Variants in NDST3 observed in about 807,000 individuals in gnomAD.
NDST3 encodes the protein N-deacetylase and N-sulfotransferase 3.
In NDST3, 58 loss-of-function variants were observed where a neutral mutation model predicts 96.1. The ratio of observed to expected loss-of-function variants is 0.60; its 90% confidence interval spans 0.49 to 0.75. The LOEUF (loss-of-function observed/expected upper bound fraction) is 0.75, where lower values mean the gene tolerates loss of function less well. Among genes scored for constraint, NDST3 ranks in the 30% least tolerant of loss-of-function variants. NDST3 has a pLI of 0.00. For synonymous variants in NDST3, 333 were observed against 359.7 expected (o/e 0.93, Z 0.84); for missense variants, 788 against 1,034.2 (o/e 0.76, Z 3.27).
chr4:118,205,267 A>G (rs1392171314), intron 6 of NDST3, among the ~76,000 whole-genome samples: 5 of 144,564 alleles, frequency 3.5e-5, no homozygotes, highest in Middle Eastern at 3.6e-3. Flanking sequence ...AGAGAAATAC[A>G]CAAGAATATA....
chr4:118,121,583 C>A (rs1207126657), intron 4 of NDST3, among the ~76,000 whole-genome samples: 6 of 152,118 alleles, frequency 3.9e-5, no homozygotes, highest in African/African-American at 1.4e-4. Context: ...TAAAACCCAG[C>A]TTTAACTAAA....
chr4:118,043,674 G>GCAACAGGTCAGCTGCAACTGACAGCAAC (rs1173661794), intron 1 of NDST3, among the ~76,000 whole-genome samples: 5 of 152,200 alleles, frequency 3.3e-5, no homozygotes, highest in Non-Finnish European at 5.9e-5. Flanking sequence ...CACAGGAGGA[G>GCAACAGGTCAGCTGCAACTGACAGCAAC]TGACAGCAAC....
At chr4:118,064,393 G>A (rs144070592) in intron 2 of NDST3, among the ~76,000 whole-genome samples, 1 of 152,156 alleles carries the variant, frequency 6.6e-6, no homozygotes, top group African/African-American at 2.4e-5. Context: ...CATGAATAAT[G>A]AAACTGGAGA....
intron 6 of NDST3, among the ~76,000 whole-genome samples, chr4:118,143,889 G>A (rs1733749686): frequency 1.3e-5 from 2 of 152,126 alleles, no homozygotes; most frequent in South Asian, 4.1e-4. Flanking sequence ...GGAACTCATG[G>A]CAGAACCAGG....
At chr4:118,097,261 T>C (rs1317169870) in intron 2 of NDST3, among the ~76,000 whole-genome samples, 21 of 151,952 alleles carry the variant, frequency 1.4e-4, no homozygotes, top group Non-Finnish European at 1.5e-5. Context: ...ATGGCCCTTA[T>C]ATAACCCATG....
intron 1 of NDST3, among the ~76,000 whole-genome samples, chr4:118,037,293 A>G (rs1724204195): frequency 6.6e-6 from 1 of 152,344 alleles, no homozygotes; most frequent in East Asian, 1.9e-4. Flanking sequence ...GTTTTTACTC[A>G]TAGAATAGTT....
chr4:118,226,600 AT>A (rs1383702298), intron 7 of NDST3, among the ~76,000 whole-genome samples: 3 of 152,162 alleles, frequency 2.0e-5, no homozygotes, highest in African/African-American at 7.2e-5. Context: ...ATTAAAAAAA[AT>A]AGAACTGCTA....
intron 4 of NDST3, among the ~76,000 whole-genome samples, chr4:118,118,027 T>A (rs1393814356): frequency 3.3e-5 from 5 of 152,092 alleles, no homozygotes; most frequent in African/African-American, 1.2e-4. Flanking sequence ...GACAAAAAAC[T>A]AAATCTGAGG....
chr4:118,054,984 A>AAATCC, intron 2 of NDST3, 93 bp downstream of exon 2: 1 of 1,520,800 alleles, frequency 6.6e-7, no homozygotes, highest in Non-Finnish European at 9.0e-7. Flanking sequence ...GTTACCCAGG[A>AAATCC]CATGGGATTT....
In NDST3 at chr4:118,240,508, C is replaced by T; in HGVS notation, c.2119-16C>T. On this transcript the variant is annotated splice_polypyrimidine_tract_variant and intron_variant, in intron 10 of 13. Coordinates refer to ENST00000296499, the MANE Select transcript of NDST3 (RefSeq NM_004784.3). ...TACGGTTCAGATTAGTTTAATTATC[C>T]ACCTTTTCATCATAGCATCAGCGAT... is the stretch of plus-strand genomic sequence containing the variant. 6.4e-7 allele frequency: 1 copy of T among 1,569,380 alleles called. No homozygotes were observed. Among genetic ancestry groups the T allele is most frequent in the Non-Finnish European group, 8.7e-7 (1 of 1,154,782 alleles).
intron 6 of NDST3, among the ~76,000 whole-genome samples, chr4:118,204,642 T>C (rs182274489): frequency 1.4e-5 from 2 of 144,746 alleles, no homozygotes; most frequent in African/African-American, 5.1e-5. Context: ...GAGAAATCTT[T>C]ATGCCAAACT....
At chr4:118,209,396 C>A (rs1738644144) in intron 6 of NDST3, among the ~76,000 whole-genome samples, 1 of 152,106 alleles carries the variant, frequency 6.6e-6, no homozygotes, top group African/African-American at 2.4e-5. Context: ...ACAGAAAGAA[C>A]ATTAGAACAG....
intron 6 of NDST3, among the ~76,000 whole-genome samples, chr4:118,145,702 G>A (rs1733889292): frequency 6.6e-6 from 1 of 152,138 alleles, no homozygotes; most frequent in Non-Finnish European, 1.5e-5. Context: ...GTCTTGAGGA[G>A]GAGATTCATA....
chr4:118,071,873 A>C (rs1727104989), intron 2 of NDST3, among the ~76,000 whole-genome samples: 1 of 152,142 alleles, frequency 6.6e-6, no homozygotes, highest in African/African-American at 2.4e-5. Context: ...CATTCCCACT[A>C]GCACTGTATG....
At chr4:118,082,872 T>C (rs1025981678) in intron 2 of NDST3, among the ~76,000 whole-genome samples, 5 of 152,068 alleles carry the variant, frequency 3.3e-5, no homozygotes, top group East Asian at 1.9e-4. Flanking sequence ...CTTCTAATTA[T>C]GGCAGAAGGC....
At chr4:118,173,929 T>G (rs1736115280) in intron 6 of NDST3, among the ~76,000 whole-genome samples, 1 of 152,192 alleles carries the variant, frequency 6.6e-6, no homozygotes, top group South Asian at 2.1e-4. Context: ...AGTCAGAACT[T>G]GCTTTTTGCT....
At chr4:118,148,431 C>T (rs114859955) in intron 6 of NDST3, among the ~76,000 whole-genome samples, 1,932 of 152,284 alleles carry the variant, frequency 0.013, 12 homozygotes, top group Non-Finnish European at 0.02. Context: ...CCTTTATGCA[C>T]GCATTTTATT....
chr4:118,123,182 A>G (rs1731751437), intron 4 of NDST3, among the ~76,000 whole-genome samples: 1 of 152,208 alleles, frequency 6.6e-6, no homozygotes, highest in Non-Finnish European at 1.5e-5. Context: ...TGCTGCAAGC[A>G]TTACTGTCCT....
intron 4 of NDST3, among the ~76,000 whole-genome samples, chr4:118,127,372 G>C (rs926886367): frequency 6.6e-6 from 1 of 151,930 alleles, no homozygotes; most frequent in African/African-American, 2.4e-5. Flanking sequence ...TTTTGTATAT[G>C]GTGATAGACA....
Sources: gnomAD v4.1 joint callset for allele counts (sites outside exome capture counted in the v4.1 genomes callset) on GRCh38, gnomAD v4.1.1 for gene constraint, MANE v1.5 for transcripts, NCBI Gene and HGNC (gene_info 2026-07-23, HGNC 2026-07-21) for gene names.